The following SOX5 variants were observed in gnomAD, a reference collection of about 807,000 sequenced individuals.
The protein encoded by SOX5 is SRY-box transcription factor 5.
Under a neutral mutation model 92.0 loss-of-function variants are expected in SOX5, and 9 were observed. The observed-to-expected ratio is 0.10, with a 90% confidence interval of 0.06 to 0.17. The LOEUF is 0.17. SOX5 is among the 10% of genes least tolerant of loss of function. SOX5 has a pLI of 1.00. For synonymous variants in SOX5, 344 were observed against 336.3 expected (o/e 1.02, Z -0.25); for missense variants, 642 against 944.5 (o/e 0.68, Z 4.20).
chr12:23,839,472 G>A (rs995904213), intron 3 of SOX5, among the ~76,000 whole-genome samples: 1 of 152,020 alleles, frequency 6.6e-6, no homozygotes, highest in Non-Finnish European at 1.5e-5. Flanking sequence ...AAATTAACAT[G>A]AGAGGGAAAC....
chr12:24,520,559 C>G (rs1006890131), intron 1 of SOX5, among the ~76,000 whole-genome samples: 4 of 151,160 alleles, frequency 2.6e-5, no homozygotes, highest in African/African-American at 9.7e-5. Context: ...AAAAGGAAGA[C>G]AGCAAGAAAG....
At chr12:23,861,872 T>A (rs1218226548) in intron 2 of SOX5, among the ~76,000 whole-genome samples, 1 of 152,082 alleles carries the variant, frequency 6.6e-6, no homozygotes, top group African/African-American at 2.4e-5. Context: ...ACGGGAAAAA[T>A]AATTAAAAAG....
At chr12:24,226,887 A>C (rs939995336) in intron 3 of SOX5, among the ~76,000 whole-genome samples, 2 of 42,584 alleles carry the variant, frequency 4.7e-5, no homozygotes, top group African/African-American at 1.1e-4. Flanking sequence ...TGAATGAATA[A>C]ATCTACTGGA....
chr12:24,516,058 T>A (rs1317834633), intron 1 of SOX5, among the ~76,000 whole-genome samples: 8 of 150,404 alleles, frequency 5.3e-5, no homozygotes, highest in African/African-American at 2.0e-4. Flanking sequence ...TTTTTTTTTT[T>A]AAGCGACAGA....
intron 10 of SOX5, among the ~76,000 whole-genome samples, chr12:23,572,585 T>C (rs1429661588): frequency 6.6e-6 from 1 of 152,142 alleles, no homozygotes; most frequent in Non-Finnish European, 1.5e-5. Flanking sequence ...TATTCATACA[T>C]GATACAAATA....
chr12:23,755,544 G>A (rs1381223017), intron 4 of SOX5, 94 bp downstream of exon 4: 2 of 838,302 alleles, frequency 2.4e-6, no homozygotes, highest in Admixed American at 2.5e-5. Flanking sequence ...AGAAGCAGAA[G>A]AGGTGAGGGC....
At chr12:23,633,510 A>G (rs1349816003) in intron 8 of SOX5, among the ~76,000 whole-genome samples, 1 of 152,044 alleles carries the variant, frequency 6.6e-6, no homozygotes, top group African/African-American at 2.4e-5. Context: ...ATATAAATGA[A>G]CCCCTCGCCT....
At chr12:23,814,214 A>T (rs1231182852) in intron 3 of SOX5, among the ~76,000 whole-genome samples, 1 of 152,214 alleles carries the variant, frequency 6.6e-6, no homozygotes, top group East Asian at 1.9e-4. Context: ...CTGTGGAATT[A>T]AAAATGTCTT....
At chr12:24,360,511 T>C (rs1442696313) in intron 2 of SOX5, among the ~76,000 whole-genome samples, 1 of 152,170 alleles carries the variant, frequency 6.6e-6, no homozygotes, top group African/African-American at 2.4e-5. Flanking sequence ...GAGTAAGGCC[T>C]TGTTAGCAAG....
At chr12:24,509,558 G>A (rs898772741) in intron 1 of SOX5, among the ~76,000 whole-genome samples, 8 of 152,210 alleles carry the variant, frequency 5.3e-5, no homozygotes, top group Admixed American at 4.6e-4. Context: ...AAAATTTTGG[G>A]GGGGAATAAA....
chr12:24,417,188 G>C (rs1965164734), intron 1 of SOX5, among the ~76,000 whole-genome samples: 1 of 152,178 alleles, frequency 6.6e-6, no homozygotes, highest in Admixed American at 6.5e-5. Context: ...CTACGAGACT[G>C]GACAGAGTGA....
intron 9 of SOX5, among the ~76,000 whole-genome samples, chr12:23,583,678 A>G (rs914856169): frequency 1.3e-5 from 2 of 152,162 alleles, no homozygotes; most frequent in African/African-American, 2.4e-5. Context: ...GTAAGAATTG[A>G]TGTTAATAAT....
chr12:23,963,636 T>G (rs989315881), intron 4 of SOX5, among the ~76,000 whole-genome samples: 1 of 151,988 alleles, frequency 6.6e-6, no homozygotes, highest in African/African-American at 2.4e-5. Context: ...GAGTCTAGCA[T>G]ACATGCATGC....
chr12:24,095,236 A>C (rs1253822500), intron 4 of SOX5, among the ~76,000 whole-genome samples: 1 of 152,034 alleles, frequency 6.6e-6, no homozygotes, highest in Non-Finnish European at 1.5e-5. Flanking sequence ...GAGTCTCAAA[A>C]GAGCAAGAGA....
chr12:23,732,043 A>T (rs1008592226), intron 6 of SOX5, among the ~76,000 whole-genome samples: 1 of 152,178 alleles, frequency 6.6e-6, no homozygotes, highest in African/African-American at 2.4e-5. Flanking sequence ...ATGGTAAATT[A>T]TTTTGTGAGC....
At chr12:23,685,328 A>G (rs1398458209) in intron 6 of SOX5, among the ~76,000 whole-genome samples, 1 of 152,084 alleles carries the variant, frequency 6.6e-6, no homozygotes, top group Non-Finnish European at 1.5e-5. Context: ...TAAGTATAGT[A>G]AACAGCAAAG....
At chr12:23,984,568 T>C (rs1273710054) in intron 4 of SOX5, among the ~76,000 whole-genome samples, 2 of 152,184 alleles carry the variant, frequency 1.3e-5, no homozygotes, top group African/African-American at 4.8e-5. Context: ...GACTAGATCA[T>C]TGAATATAGT....
chr12:24,289,378 T>C (rs1292994891), intron 2 of SOX5, among the ~76,000 whole-genome samples: 5 of 152,030 alleles, frequency 3.3e-5, no homozygotes, highest in African/African-American at 1.2e-4. Context: ...TTTCTGAATC[T>C]CTTGCGTTTC....
intron 1 of SOX5, among the ~76,000 whole-genome samples, chr12:24,375,816 A>G (rs1228628306): frequency 6.6e-6 from 1 of 151,968 alleles, no homozygotes; most frequent in Admixed American, 6.6e-5. Context: ...ATGAACTTTG[A>G]CCCCAATAGA....
Sources: gnomAD v4.1 joint callset for allele counts (sites outside exome capture counted in the v4.1 genomes callset) on GRCh38, gnomAD v4.1.1 for gene constraint, MANE v1.5 for transcripts, NCBI Gene and HGNC (gene_info 2026-07-23, HGNC 2026-07-21) for gene names.